The following SARDH variants were observed in gnomAD, a reference collection of about 807,000 sequenced individuals.
The protein encoded by SARDH is sarcosine dehydrogenase.
In SARDH, 95 loss-of-function variants were observed where a neutral mutation model predicts 109.1. That is an observed-to-expected ratio of 0.87 (90% CI 0.74 to 1.03). SARDH has a LOEUF of 1.03. Among genes scored for constraint, SARDH ranks in the 50% least tolerant of loss-of-function variants. The probability of loss-of-function intolerance (pLI) is 0.00; values close to 1 mark genes in which losing one functional copy is unlikely to be tolerated. For synonymous variants in SARDH, 572 were observed against 534.8 expected (o/e 1.07, Z -0.96); for missense variants, 1,267 against 1,287.8 (o/e 0.98, Z 0.25).
At chr9:133,701,506 G>A (rs536995387) in intron 13 of SARDH, among the ~76,000 whole-genome samples, 2 of 152,380 alleles carry the variant, frequency 1.3e-5, no homozygotes, top group East Asian at 1.9e-4. Flanking sequence ...GAACAAGCAC[G>A]TGTTTCGTGC....
intron 16 of SARDH, among the ~76,000 whole-genome samples, chr9:133,688,271 C>G (rs1830958049): frequency 6.6e-6 from 1 of 152,210 alleles, no homozygotes; most frequent in Non-Finnish European, 1.5e-5. Flanking sequence ...AGTCCCTTTC[C>G]CGGCAGCTGC....
Position 133,692,367 on chromosome 9 carries a change from G to C in SARDH, c.1922-1840C>G, listed in dbSNP as rs1159049626. Among the ~76,000 whole-genome samples, 2 of 152,226 alleles carry C rather than the reference G, an allele frequency of 1.3e-5. No homozygotes were observed. The highest frequency in any genetic ancestry group is 3.9e-4 in the East Asian group (2 of 5,184). ...TGTGCCTGGGCCGCCCCTCTACTGG[G>C]GGCTGATGCCTAGCTCCTTACAGGC... On this transcript the variant is annotated intron_variant, in intron 15 of 20. Transcript: ENST00000439388. This position sits in a 1 kb window ranked among gnomAD's most constrained non-coding sequence, Gnocchi z 5.0.
chr9:133,674,940 C>G (rs757953315), intron 17 of SARDH, among the ~76,000 whole-genome samples: 1 of 152,164 alleles, frequency 6.6e-6, no homozygotes, highest in African/African-American at 2.4e-5. Context: ...AGGCAACCCA[C>G]GGGATGGGAG....
intron 17 of SARDH, among the ~76,000 whole-genome samples, chr9:133,674,029 G>C (rs1052306468): frequency 5.9e-5 from 9 of 152,180 alleles, no homozygotes; most frequent in Non-Finnish European, 1.0e-4. Flanking sequence ...GCAAAACGGG[G>C]GCCACACCTG....
Position 133,676,462 on chromosome 9 carries a change from G to A in SARDH, c.2164-4765C>T, listed in dbSNP as rs140863688. On this transcript the variant is annotated intron_variant, in intron 17 of 20. Transcript: ENST00000439388. ...CAATGTGAACATACTTAACACTACC[G>A]AACTGTACAATTAAATTAACAAACC... Among the ~76,000 whole-genome samples, 1,138 of 152,212 alleles carry A rather than the reference G, an allele frequency of 7.5e-3. 16 individuals carry two copies. Among genetic ancestry groups the A allele is most frequent in the African/African-American group, 0.025 (1,049 of 41,514 alleles).
chr9:133,703,158 GTGC>G, intron 12 of SARDH, 129 bp from the exon 13 acceptor site: 1 of 764,540 alleles, frequency 1.3e-6, no homozygotes. Flanking sequence ...CCTGCACTGA[GTGC>G]CCGTGTGTTG....
chr9:133,717,474 G>A lies in SARDH; in HGVS notation c.1021-19C>T. 6.2e-7 allele frequency: 1 copy of A among 1,613,778 alleles called. No individual in the cohort carries two copies. Among genetic ancestry groups the A allele is most frequent in the Non-Finnish European group, 8.5e-7 (1 of 1,179,868 alleles). The stretch of plus-strand genomic sequence containing the variant: ...CTGACACCTGCCAAGGCAGGGCAGG[G>A]GAACATCTCCGTTGTCCCCAAGAAG... On this transcript the variant is annotated intron_variant, in intron 7 of 20. Transcript: ENST00000439388.
chr9:133,693,152 A>C lies in SARDH; in HGVS notation c.1921+1106T>G. Among the ~76,000 whole-genome samples the C allele has an allele frequency of 6.8e-6, 1 of 147,072 alleles. No individual in the cohort carries two copies. The highest frequency in any genetic ancestry group is 2.5e-5 in the African/African-American group (1 of 39,378). Reference sequence around the variant, plus strand: ...CACCTTCCACTTATTTTATTTTTTTAATCCTATTTCCTCCCACCAGAGATA... The same window carrying C: ...CACCTTCCACTTATTTTATTTTTTTCATCCTATTTCCTCCCACCAGAGATA... On this transcript the variant is annotated intron_variant, in intron 15 of 20. Coordinates refer to ENST00000439388, the MANE Select transcript of SARDH (RefSeq NM_001134707.2). The surrounding 1 kb of genome is among the most constrained non-coding windows in gnomAD (Gnocchi z 5.6).
chr9:133,693,340 C>T lies in SARDH; in HGVS notation c.1921+918G>A, dbSNP rs904924561. The stretch of plus-strand genomic sequence containing the variant: ...CCTTTCTCCCCTTGCCTCTCTCCCC[C>T]AGTGCCCAAGCTGGGGCTCGACACT... On this transcript the variant is annotated intron_variant, in intron 15 of 20. Transcript: ENST00000439388. The surrounding 1 kb of genome is among the most constrained non-coding windows in gnomAD (Gnocchi z 5.6). 5.3e-5 allele frequency among the ~76,000 whole-genome samples: 8 copies of T among 152,166 alleles called. No homozygotes were observed. Among genetic ancestry groups the T allele is most frequent in the African/African-American group, 1.9e-4 (8 of 41,428 alleles).
chr9:133,673,698 C>G (rs1390093796), intron 17 of SARDH, among the ~76,000 whole-genome samples: 3 of 152,260 alleles, frequency 2.0e-5, no homozygotes, highest in Admixed American at 6.5e-5. Flanking sequence ...CCGTAGGCCC[C>G]TGACAAAGAT....
chr9:133,702,101 G>A (rs1831509321), intron 13 of SARDH, among the ~76,000 whole-genome samples: 1 of 152,204 alleles, frequency 6.6e-6, no homozygotes, highest in South Asian at 2.1e-4. Context: ...CTGCTCCTAT[G>A]TCAGATTCGC....
At chr9:133,727,769 C>A (rs568496690) in intron 6 of SARDH, among the ~76,000 whole-genome samples, 2 of 152,180 alleles carry the variant, frequency 1.3e-5, no homozygotes, top group East Asian at 1.9e-4. Flanking sequence ...GTAAGTAACA[C>A]CCCCTAGCTT....
intron 6 of SARDH, among the ~76,000 whole-genome samples, chr9:133,724,403 T>C (rs1832421010): frequency 6.6e-6 from 1 of 152,166 alleles, no homozygotes; most frequent in Admixed American, 6.5e-5. Context: ...AGTAAGCACA[T>C]GAAGAGATGC....
chr9:133,687,073 G>A (rs981063022), intron 16 of SARDH, among the ~76,000 whole-genome samples: 2 of 152,122 alleles, frequency 1.3e-5, no homozygotes, highest in African/African-American at 2.4e-5. Context: ...CAGAGGCCCC[G>A]GTTCTAGTCC....
Position 133,666,895 on chromosome 9 carries a change from G to A in SARDH, c.2496-25C>T. The A allele has an allele frequency of 6.2e-7, 1 of 1,611,626 alleles. No homozygotes were observed. The highest frequency in any genetic ancestry group is 8.5e-7 in the Non-Finnish European group (1 of 1,179,414). On this transcript the variant is annotated intron_variant, in intron 19 of 20. Coordinates refer to ENST00000439388, the MANE Select transcript of SARDH (RefSeq NM_001134707.2). This position sits in a 1 kb window ranked among gnomAD's most constrained non-coding sequence, Gnocchi z 5.2. Reference sequence around the variant, plus strand: ...GCTGGAAGAAGCAGTAGAGAAAGCTGGGGCCCCAGAAACCGCAGGGTGGGG... The same window carrying A: ...GCTGGAAGAAGCAGTAGAGAAAGCTAGGGCCCCAGAAACCGCAGGGTGGGG...
At chr9:133,735,279 C>A (rs972813730) in intron 1 of SARDH, among the ~76,000 whole-genome samples, 1 of 152,164 alleles carries the variant, frequency 6.6e-6, no homozygotes, top group Non-Finnish European at 1.5e-5. Context: ...TCCCTTGGGG[C>A]CACCTGGGAT....
chr9:133,668,404 C>T (rs1412422447), intron 19 of SARDH, among the ~76,000 whole-genome samples: 1 of 67,686 alleles, frequency 1.5e-5, no homozygotes, highest in Admixed American at 1.7e-4. Context: ...CCTCTCCCTT[C>T]ACCCTCCCTC....
At chr9:133,739,820 G>A (rs927784412), upstream of SARDH, 1 of 152,384 alleles carries the variant, frequency 6.6e-6, no homozygotes, top group Non-Finnish European at 1.5e-5. Flanking sequence ...CAAGGAAGGA[G>A]TGTGGCCCAA....
At chr9:133,670,017 C>T (rs1020949715) in intron 19 of SARDH, among the ~76,000 whole-genome samples, 10 of 152,296 alleles carry the variant, frequency 6.6e-5, no homozygotes, top group African/African-American at 1.2e-4. Context: ...GCCCCAGGTG[C>T]GCAACCTTAC....
Sources: gnomAD v4.1 joint callset for allele counts (sites outside exome capture counted in the v4.1 genomes callset) on GRCh38, gnomAD v4.1.1 for gene constraint, Gnocchi (gnomAD v3.1) non-coding constraint, MANE v1.5 for transcripts, NCBI Gene and HGNC (gene_info 2026-07-23, HGNC 2026-07-21) for gene names.